SH3RF3: variants seen among roughly 807,000 people sequenced by gnomAD.
SH3RF3 encodes E3 ubiquitin-protein ligase SH3RF3.
A neutral mutation model predicts 66.3 loss-of-function variants in SH3RF3; 29 were observed. That is an observed-to-expected ratio of 0.44 (90% CI 0.33 to 0.60). SH3RF3 has a LOEUF of 0.60. SH3RF3 is among the 20% of genes least tolerant of loss of function. The pLI, the probability that SH3RF3 is intolerant of heterozygous loss-of-function variation, is 0.04. For missense variants in SH3RF3, 1,194 were observed against 1,190.9 expected (o/e 1.00, Z -0.04); for synonymous variants, 583 against 532.0 (o/e 1.10, Z -1.32).
intron 1 of SH3RF3, among the ~76,000 whole-genome samples, chr2:109,212,006 A>G (rs1311332096): frequency 2.6e-5 from 4 of 152,218 alleles, no homozygotes; most frequent in African/African-American, 9.6e-5. Context: ...AATTCAATAA[A>G]TGACTGATTG....
At chr2:109,180,859 T>A (rs1052753663) in intron 1 of SH3RF3, among the ~76,000 whole-genome samples, 3 of 152,196 alleles carry the variant, frequency 2.0e-5, no homozygotes, top group Non-Finnish European at 2.9e-5. Flanking sequence ...TCACAGGGGC[T>A]TCAGGGGCTG....
chr2:109,478,783 T>G (rs1466667638), intron 8 of SH3RF3, among the ~76,000 whole-genome samples: 1 of 152,176 alleles, frequency 6.6e-6, no homozygotes, highest in East Asian at 1.9e-4. Context: ...GGTCTAGCCC[T>G]GGGAAGCTCA....
At chr2:109,158,848 G>A (rs1022338974) in intron 1 of SH3RF3, among the ~76,000 whole-genome samples, 3 of 152,230 alleles carry the variant, frequency 2.0e-5, no homozygotes, top group African/African-American at 7.2e-5. Context: ...AAAGTTCAGT[G>A]TGTCCTTATG....
intron 3 of SH3RF3, among the ~76,000 whole-genome samples, chr2:109,379,773 G>T (rs1683470794): frequency 6.6e-6 from 1 of 152,078 alleles, no homozygotes; most frequent in Non-Finnish European, 1.5e-5. Flanking sequence ...AAGCCCTCCT[G>T]CAGGTGAAGC....
chr2:109,297,906 C>T (rs73955515), intron 1 of SH3RF3, among the ~76,000 whole-genome samples: 4,495 of 152,120 alleles, frequency 0.03, 236 homozygotes, highest in African/African-American at 0.1. Flanking sequence ...ACAACCATGT[C>T]AATGCTCCCC....
intron 1 of SH3RF3, among the ~76,000 whole-genome samples, chr2:109,157,922 T>A (rs1677387953): frequency 6.6e-6 from 1 of 152,146 alleles, no homozygotes; most frequent in African/African-American, 2.4e-5. Context: ...CGTGTTTGAT[T>A]TGCAGGCCGC....
In SH3RF3 at chr2:109,129,788, A is replaced by T; in HGVS notation, c.248A>T (p.Glu83Val). The T allele has an allele frequency of 4.5e-6, 7 of 1,539,398 alleles. No individual in the cohort carries two copies. Among genetic ancestry groups the T allele is most frequent in the Non-Finnish European group, 6.1e-6 (7 of 1,145,452 alleles). ...CACACTTTCTGCCGCCGCTGCCTGG[A>T]GAGCATCGTGTGCTCGCGCCACGAG... ...CQHTFCRRCL[E>V]SIVCSRHELR... is the part of the protein sequence containing the mutation. The change falls in exon 1 of 10, where the codon GAG becomes GTG. Residue 83 changes from glutamate to valine, a missense_variant. Glu to Val is a moderately radical substitution (Grantham distance 121). Transcript: ENST00000309415.
intron 1 of SH3RF3, among the ~76,000 whole-genome samples, chr2:109,148,515 T>A (rs995482381): frequency 6.6e-6 from 1 of 152,198 alleles, no homozygotes; most frequent in African/African-American, 2.4e-5. Context: ...GAAAGAAGGG[T>A]TGAGTAATTG....
Position 109,129,722 on chromosome 2 carries a change from T to G in SH3RF3, c.182T>G (p.Leu61Arg). ...GACCTGCTGGAGTGCTCCGTGTGTC[T>G]GGAGCGCCTGGACACCACGGCCAAG... is the stretch of plus-strand genomic sequence containing the variant. The part of the protein sequence containing the change: ...LLDLLECSVC[L>R]ERLDTTAKVL... Residue 61 changes from leucine (L) to arginine (R), a missense_variant, in exon 1 of 10, where the codon CTG becomes CGG. Transcript: ENST00000309415. The G allele has an allele frequency of 6.5e-7, 1 of 1,538,042 alleles. No homozygotes were observed. Among genetic ancestry groups the G allele is most frequent in the Non-Finnish European group, 8.7e-7 (1 of 1,145,150 alleles).
At position 109,393,086 on chromosome 2, in the gene SH3RF3, C is replaced by A. The variant is rs147748015; in HGVS notation, c.946-5504C>A. ...CTGCCCGTCTCAGTGAGGGGAAGCT[C>A]CTGAGATGTCTCCCAACAAAAGCTT... On this transcript the variant is annotated intron_variant, in intron 3 of 9. Coordinates refer to ENST00000309415, the MANE Select transcript of SH3RF3 (RefSeq NM_001099289.3). Among the ~76,000 whole-genome samples, 658 of 152,338 alleles carry A rather than the reference C, an allele frequency of 4.3e-3. 2 individuals carry two copies. Among genetic ancestry groups the A allele is most frequent in the African/African-American group, 0.015 (641 of 41,572 alleles).
At chr2:109,372,669 C>T (rs142266871) in intron 3 of SH3RF3, among the ~76,000 whole-genome samples, 9 of 152,366 alleles carry the variant, frequency 5.9e-5, no homozygotes, top group Non-Finnish European at 1.2e-4. Context: ...CAGCGCGGGC[C>T]TCTTGGCCCT....
chr2:109,263,315 A>G (rs888250566), intron 1 of SH3RF3, among the ~76,000 whole-genome samples: 3 of 152,208 alleles, frequency 2.0e-5, no homozygotes, highest in African/African-American at 4.8e-5. Context: ...GCTATTTTCT[A>G]TAAGGTGGGT....
At chr2:109,235,849 GATA>G (rs745813609) in intron 1 of SH3RF3, among the ~76,000 whole-genome samples, 1 of 152,218 alleles carries the variant, frequency 6.6e-6, no homozygotes, top group Non-Finnish European at 1.5e-5. Context: ...ATGCTTGACT[GATA>G]AAACCTCTTA....
chr2:109,336,257 G>C (rs1220766537), intron 1 of SH3RF3, among the ~76,000 whole-genome samples: 3 of 152,166 alleles, frequency 2.0e-5, no homozygotes, highest in African/African-American at 7.2e-5. Flanking sequence ...TGCTGGGAAG[G>C]CTGTCTTGTT....
chr2:109,370,580 C>T (rs933565985), intron 2 of SH3RF3, among the ~76,000 whole-genome samples: 5 of 152,080 alleles, frequency 3.3e-5, no homozygotes, highest in African/African-American at 1.2e-4. Flanking sequence ...TTTCTCCTTC[C>T]CCCAGGGCTC....
At chr2:109,203,420 T>C (rs970596256) in intron 1 of SH3RF3, among the ~76,000 whole-genome samples, 1 of 152,194 alleles carries the variant, frequency 6.6e-6, no homozygotes, top group East Asian at 1.9e-4. Context: ...GCGCATCACC[T>C]GTGGTCAGGC....
intron 3 of SH3RF3, among the ~76,000 whole-genome samples, chr2:109,380,133 T>G (rs1422341284): frequency 6.6e-6 from 1 of 152,216 alleles, no homozygotes; most frequent in African/African-American, 2.4e-5. Context: ...GATCCACACA[T>G]ACATGGGTGT....
rs550604336 is a variant in SH3RF3, at chr2:109,473,714, G to A, written c.2149-16891G>A. Among the ~76,000 whole-genome samples the A allele has an allele frequency of 6.8e-5, 10 of 148,128 alleles. No individual in the cohort carries two copies. In the East Asian group the frequency reaches 2.0e-3, roughly 30 times the overall value. ...CCTGCTGCCGTGCCCAGCTCACTCA[G>A]CCACCCACCCACCCCACCCACTCCT... On this transcript the variant is annotated intron_variant, in intron 8 of 9. Transcript: ENST00000309415.
chr2:109,289,385 TA>T (rs1483292340), intron 1 of SH3RF3, among the ~76,000 whole-genome samples: 2 of 152,206 alleles, frequency 1.3e-5, no homozygotes, highest in African/African-American at 4.8e-5. Context: ...ATCAGAGTTT[TA>T]GGGTACTCTT....
Sources: allele counts gnomAD v4.1 joint callset (sites outside exome capture counted in the v4.1 genomes callset), GRCh38; gene constraint gnomAD v4.1.1; transcripts MANE v1.5; gene names NCBI Gene and HGNC (gene_info 2026-07-23, HGNC 2026-07-21).